TASP1: variants seen among roughly 807,000 people sequenced by gnomAD.
TASP1 encodes the protein taspase 1, also known as threonine aspartase 1.
A neutral mutation model predicts 56.6 loss-of-function variants in TASP1; 16 were observed. The ratio of observed to expected loss-of-function variants is 0.28; its 90% CI spans 0.19 to 0.43. The LOEUF (loss-of-function observed/expected upper bound fraction) is 0.43. TASP1 is among the 20% of genes least tolerant of loss of function. The probability of loss-of-function intolerance (pLI) is 1.00; values close to 1 mark genes in which losing one functional copy is unlikely to be tolerated. For synonymous variants in TASP1, 179 were observed against 184.2 expected, an observed-to-expected ratio of 0.97 and a Z score of 0.23; for missense variants, 393 against 511.6, an observed-to-expected ratio of 0.77 and a Z score of 2.24.
At chr20:13,149,426 G>T in the TASP1 span, among the ~76,000 whole-genome samples, 1 of 152,334 alleles carries the variant, frequency 6.6e-6, no homozygotes, top group East Asian at 1.9e-4. Context: ...TTTGCATCCT[G>T]TTTAGATGAG....
chr20:13,418,345 T>C (rs950320635), intron 12 of TASP1, among the ~76,000 whole-genome samples: 2 of 152,074 alleles, frequency 1.3e-5, no homozygotes, highest in Admixed American at 6.6e-5. Context: ...AAGGAAATGC[T>C]CAAAGAGTAA....
At chr20:13,299,741 G>A in the TASP1 span, 3 of 345,982 alleles carry the variant, frequency 8.7e-6, no homozygotes, top group South Asian at 8.1e-5. The surrounding 1 kb of genome is among the most constrained non-coding windows in gnomAD (Gnocchi z 5.8). Flanking sequence ...GAACCTGGAA[G>A]CCACAGTGGG....
the TASP1 span, among the ~76,000 whole-genome samples, chr20:13,197,000 T>C: frequency 6.6e-6 from 1 of 152,164 alleles, no homozygotes; most frequent in Non-Finnish European, 1.5e-5. Flanking sequence ...CTTGATGAAA[T>C]AAATAGATGA....
the TASP1 span, among the ~76,000 whole-genome samples, chr20:13,337,852 A>T: frequency 9.2e-5 from 14 of 152,196 alleles, no homozygotes; most frequent in African/African-American, 3.4e-4. Flanking sequence ...CGTGTTATAA[A>T]TAGGAATTTG....
chr20:13,209,045 G>A, the TASP1 span, among the ~76,000 whole-genome samples: 2 of 152,170 alleles, frequency 1.3e-5, no homozygotes, highest in Non-Finnish European at 2.9e-5. Context: ...CAATGTGAAC[G>A]TAAACCTTAT....
chr20:13,634,599 G>A (rs1249881851), intron 1 of TASP1, among the ~76,000 whole-genome samples: 3 of 151,824 alleles, frequency 2.0e-5, no homozygotes, highest in Admixed American at 6.6e-5. Flanking sequence ...GTGCGGTGGC[G>A]AGCGCCTGTA....
At chr20:13,110,093 T>A in the TASP1 span, 1 of 1,578,932 alleles carries the variant, frequency 6.3e-7, no homozygotes, top group African/African-American at 1.4e-5. Context: ...TCAATTTTTT[T>A]TTTTGGTATT....
the TASP1 span, chr20:13,164,585 G>C: frequency 1.6e-5 from 10 of 616,110 alleles, no homozygotes; most frequent in African/African-American, 1.9e-4. Flanking sequence ...TTCCTCTAGG[G>C]TCTTAAACCA....
chr20:13,223,163 A>T, the TASP1 span, among the ~76,000 whole-genome samples: 5 of 136,352 alleles, frequency 3.7e-5, no homozygotes, highest in Non-Finnish European at 3.3e-5. Flanking sequence ...TCTCAAAAAA[A>T]AAATAAAATA....
At chr20:13,587,487 A>G in intron 4 of TASP1, 117 bp from the exon 5 acceptor site, 1 of 741,952 alleles carries the variant, frequency 1.3e-6, no homozygotes, top group Non-Finnish European at 2.1e-6. Flanking sequence ...AACACATAGT[A>G]TGATGCCAAT....
chr20:13,462,855 T>C (rs1013178012), intron 11 of TASP1, among the ~76,000 whole-genome samples: 26 of 152,098 alleles, frequency 1.7e-4, no homozygotes, highest in Non-Finnish European at 1.5e-5. Flanking sequence ...AACTATAAAA[T>C]ATTTTTAAAA....
At chr20:13,571,867 G>C (rs530815358) in intron 6 of TASP1, among the ~76,000 whole-genome samples, 1 of 152,096 alleles carries the variant, frequency 6.6e-6, no homozygotes, top group East Asian at 1.9e-4. Context: ...TACCAAGGAG[G>C]CTCCAGCCTC....
intron 4 of TASP1, among the ~76,000 whole-genome samples, chr20:13,591,030 G>C (rs944579882): frequency 6.7e-6 from 1 of 150,002 alleles, no homozygotes; most frequent in African/African-American, 2.5e-5. Flanking sequence ...AAATGACAAA[G>C]TGAAAAAAAT....
At chr20:13,148,475 A>G in the TASP1 span, among the ~76,000 whole-genome samples, 1 of 152,230 alleles carries the variant, frequency 6.6e-6, no homozygotes, top group Admixed American at 6.5e-5. Context: ...CGGAGCATGT[A>G]GCTGTCGGGA....
At chr20:13,108,357 C>T in the TASP1 span, among the ~76,000 whole-genome samples, 10 of 152,212 alleles carry the variant, frequency 6.6e-5, no homozygotes, top group Non-Finnish European at 1.5e-4. Flanking sequence ...AAAGTTAATG[C>T]AGCCACTAAT....
the TASP1 span, among the ~76,000 whole-genome samples, chr20:13,125,866 T>G: frequency 6.6e-6 from 1 of 152,218 alleles, no homozygotes; most frequent in Non-Finnish European, 1.5e-5. Context: ...TAATCCGCCT[T>G]TTGATGGAAG....
At chr20:13,508,790 T>C (rs927826936) in intron 10 of TASP1, among the ~76,000 whole-genome samples, 1 of 152,126 alleles carries the variant, frequency 6.6e-6, no homozygotes, top group Non-Finnish European at 1.5e-5. Flanking sequence ...CAATGAGGTA[T>C]TCCCTCACAC....
At chr20:13,407,435 C>T (rs914234501) in intron 13 of TASP1, among the ~76,000 whole-genome samples, 3 of 152,162 alleles carry the variant, frequency 2.0e-5, no homozygotes, top group African/African-American at 7.2e-5. Flanking sequence ...TGAAAATATT[C>T]CATTGTATGA....
chr20:13,427,091 T>C (rs376513430), intron 12 of TASP1, among the ~76,000 whole-genome samples: 1 of 152,330 alleles, frequency 6.6e-6, no homozygotes, highest in Admixed American at 6.5e-5. Context: ...CTGTGGCATG[T>C]GCCATGTAAT....
Sources: gnomAD v4.1 joint callset for allele counts (sites outside exome capture counted in the v4.1 genomes callset) on GRCh38, gnomAD v4.1.1 for gene constraint, Gnocchi (gnomAD v3.1) non-coding constraint, MANE v1.5 for transcripts, NCBI Gene and HGNC (gene_info 2026-07-23, HGNC 2026-07-21) for gene names.